SYTL4: variants seen among roughly 807,000 people sequenced by gnomAD.
The protein encoded by SYTL4 is synaptotagmin-like protein 4.
A neutral mutation model predicts 52.7 loss-of-function variants in SYTL4; 16 were observed. That is an observed-to-expected ratio of 0.30 (90% CI 0.21 to 0.46). The LOEUF is 0.46. SYTL4 is among the 20% of genes least tolerant of loss of function. SYTL4 has a pLI of 1.00. For missense variants in SYTL4, 423 were observed against 519.9 expected (o/e 0.81, Z 1.81); for synonymous variants, 160 against 186.6 (o/e 0.86, Z 1.16).
intron 18 of SYTL4, 149 bp from the exon 19 acceptor site, chrX:100,678,748 CAG>C (rs2083324468): frequency 2.1e-6 from 1 of 473,410 alleles, no homozygotes; most frequent in Middle Eastern, 5.9e-4. Context: ...TCTGCTGAAG[CAG>C]AGTTCCCACT....
intron 2 of SYTL4, among the ~76,000 whole-genome samples, chrX:100,713,772 T>C (rs1260027038): frequency 1.8e-5 from 2 of 111,544 alleles, no homozygotes; most frequent in Admixed American, 1.9e-4. Flanking sequence ...GAATACTACT[T>C]AGCAATAGAG....
intron 2 of SYTL4, among the ~76,000 whole-genome samples, chrX:100,723,494 C>T (rs1387002201): frequency 3.6e-5 from 4 of 112,119 alleles, no homozygotes; most frequent in Non-Finnish European, 5.6e-5. Flanking sequence ...CAGCCGCCTC[C>T]CTTGGCCTCC....
At chrX:100,699,418 A>G (rs1233851163) in intron 8 of SYTL4, among the ~76,000 whole-genome samples, 1 of 108,229 alleles carries the variant, frequency 9.2e-6, no homozygotes, top group Non-Finnish European at 1.9e-5. Context: ...AAGAAAAGAA[A>G]AAAAAAGAAA....
chrX:100,687,651 G>C (rs2083500340), intron 13 of SYTL4: 1 of 128,021 alleles, frequency 7.8e-6, no homozygotes, highest in Non-Finnish European at 1.6e-5. Flanking sequence ...TTATCTGTGG[G>C]TTTCTCTTAT....
chrX:100,726,541 C>A (rs2084522142), intron 2 of SYTL4, among the ~76,000 whole-genome samples: 1 of 109,336 alleles, frequency 9.1e-6, no homozygotes, highest in African/African-American at 3.3e-5. Context: ...GGAAGAGCCA[C>A]CACTTTTTCT....
chrX:100,723,244 C>T (rs780094420), intron 2 of SYTL4, among the ~76,000 whole-genome samples: 4 of 111,872 alleles, frequency 3.6e-5, no homozygotes, highest in Admixed American at 9.4e-5. Flanking sequence ...CTCAGCCTGC[C>T]GAGTGCCTGC....
intron 2 of SYTL4, among the ~76,000 whole-genome samples, chrX:100,722,242 T>A (rs1395631246): frequency 1.2e-5 from 1 of 80,783 alleles, no homozygotes; most frequent in East Asian, 3.6e-4. Context: ...TGAGATCTAC[T>A]GGAGAAAAAA....
chrX:100,681,575 G>A (rs2083376215), intron 16 of SYTL4, among the ~76,000 whole-genome samples: 1 of 111,637 alleles, frequency 9.0e-6, no homozygotes, highest in Non-Finnish European at 1.9e-5. Context: ...CCACTATTAT[G>A]CCACTTTGGG....
chrX:100,700,765 A>T, intron 8 of SYTL4, 132 bp downstream of exon 8: 1 of 508,970 alleles, frequency 2.0e-6, no homozygotes, highest in Non-Finnish European at 3.3e-6. Flanking sequence ...TCCCTCCTTT[A>T]CTATTTTCTG....
intron 2 of SYTL4, among the ~76,000 whole-genome samples, chrX:100,713,714 C>G (rs999259844): frequency 9.0e-6 from 1 of 111,153 alleles, no homozygotes; most frequent in Non-Finnish European, 1.9e-5. Context: ...GCCCAAATGC[C>G]TACTAAGAGG....
At chrX:100,688,625 C>T (rs1329732836) in intron 12 of SYTL4, among the ~76,000 whole-genome samples, 182 bp from the exon 13 acceptor site, 3 of 102,510 alleles carry the variant, frequency 2.9e-5, no homozygotes, top group Non-Finnish European at 3.9e-5. Context: ...AGGGCAATGG[C>T]GCAATCTCAG....
At chrX:100,677,222 C>T (rs2083293248) in intron 19 of SYTL4, among the ~76,000 whole-genome samples, 2 of 111,789 alleles carry the variant, frequency 1.8e-5, no homozygotes, top group East Asian at 5.6e-4. Context: ...ACAATAATTG[C>T]AAAGGTTCTG....
intron 2 of SYTL4, among the ~76,000 whole-genome samples, chrX:100,724,164 C>T (rs1471782526): frequency 1.1e-5 from 1 of 89,419 alleles, no homozygotes; most frequent in Non-Finnish European, 2.2e-5. Flanking sequence ...GCCCCCCACA[C>T]GGCCAGCCGC....
rs1220509681 is a variant in SYTL4, at chrX:100,675,029, T to A, written c.*999A>T. 8.9e-6 allele frequency: 1 copy of A among 112,228 alleles called. No homozygotes were observed. The highest frequency in any genetic ancestry group is 1.9e-5 in the Non-Finnish European group (1 of 53,305). 9.2% of individuals were successfully genotyped at this position (112,228 alleles called of 1,213,427 possible). ...TGGAGAAACACTGGGCCAATTGAGATAACACTTGGCTCTTCTGGTTGACAC... is the reference window on the plus strand; with the variant it reads ...TGGAGAAACACTGGGCCAATTGAGAAAACACTTGGCTCTTCTGGTTGACAC... On this transcript the variant is annotated 3_prime_UTR_variant, in exon 20 of 20. Coordinates refer to ENST00000372989, the MANE Select transcript of SYTL4 (RefSeq NM_001370165.1).
chrX:100,724,370 T>A (rs1370659820), intron 2 of SYTL4, among the ~76,000 whole-genome samples: 5 of 103,773 alleles, frequency 4.8e-5, no homozygotes, highest in Non-Finnish European at 7.9e-5. Flanking sequence ...CTGGGAGGTG[T>A]ACCCAACAGC....
At chrX:100,713,494 T>C (rs2084118508) in intron 2 of SYTL4, among the ~76,000 whole-genome samples, 1 of 110,343 alleles carries the variant, frequency 9.1e-6, no homozygotes, top group Admixed American at 9.7e-5. Flanking sequence ...TGCATGCCTG[T>C]AATCCCAGTT....
Position 100,701,525 on chromosome X carries a change from C to T in SYTL4, c.259G>A (p.Val87Met). ...TCCTGTATGCGGCAGTCCCGACACA[C>T]CAGGTGATTACAACCCCGACAAGTA... ...TNTCRGCNHL[V>M]CRDCRIQESN... The change falls in exon 6 of 20, where the codon GTG becomes ATG. Residue 87 changes from valine (V) to methionine (M), a missense_variant. Transcript: ENST00000372989. 8.3e-7 allele frequency: 1 copy of T among 1,211,773 alleles called. No homozygotes were observed. The highest frequency in any genetic ancestry group is 1.1e-6 in the Non-Finnish European group (1 of 895,519).
intron 3 of SYTL4, among the ~76,000 whole-genome samples, chrX:100,703,515 G>A (rs991281415): frequency 4.5e-5 from 5 of 112,013 alleles, no homozygotes; most frequent in African/African-American, 1.6e-4. Context: ...GTTATAATAT[G>A]AAAGACTGAT....
intron 2 of SYTL4, among the ~76,000 whole-genome samples, chrX:100,720,010 G>A (rs2147819725): frequency 8.9e-6 from 1 of 111,904 alleles, no homozygotes; most frequent in South Asian, 3.7e-4. Context: ...AACTCTAGAA[G>A]GTGCCTTAAA....
Sources: allele counts gnomAD v4.1 joint callset (sites outside exome capture counted in the v4.1 genomes callset), GRCh38; gene constraint gnomAD v4.1.1; transcripts MANE v1.5; gene names NCBI Gene and HGNC (gene_info 2026-07-23, HGNC 2026-07-21).